EYS: variants seen among roughly 807,000 people sequenced by gnomAD.
The protein encoded by EYS is protein eyes shut homolog.
EYS carries 250 observed loss-of-function variants against 282.1 expected under a neutral mutation model. That is an observed-to-expected ratio of 0.89 (90% CI 0.80 to 0.98). EYS has a LOEUF of 0.98. EYS is among the 50% of genes least tolerant of loss of function. The pLI is 0.00. For synonymous variants in EYS, 1,355 were observed against 1,282.9 expected, an observed-to-expected ratio of 1.06 and a Z score of -1.20; for missense variants, 4,016 against 3,709.0, an observed-to-expected ratio of 1.08 and a Z score of -2.15.
chr6:65,289,513 C>T (rs548214030), intron 12 of EYS, among the ~76,000 whole-genome samples: 45 of 151,084 alleles, frequency 3.0e-4, no homozygotes, highest in African/African-American at 8.5e-4. Flanking sequence ...ATACTGCTTT[C>T]GGAAAAATGT....
chr6:64,741,440 G>A (rs1164370893), intron 22 of EYS, among the ~76,000 whole-genome samples: 1 of 152,100 alleles, frequency 6.6e-6, no homozygotes, highest in African/African-American at 2.4e-5. Context: ...TTTTGGAATG[G>A]TAAATTAGCA....
At chr6:63,915,318 GT>G (rs758239495) in intron 35 of EYS, among the ~76,000 whole-genome samples, 2 of 152,118 alleles carry the variant, frequency 1.3e-5, no homozygotes, top group Non-Finnish European at 2.9e-5. Flanking sequence ...TAGCACCTCT[GT>G]TTACAGCATG....
chr6:64,486,008 GAAGTAATAGCTATTTAAA>G (rs1776571508), intron 26 of EYS, among the ~76,000 whole-genome samples: 1 of 151,406 alleles, frequency 6.6e-6, no homozygotes, highest in Non-Finnish European at 1.5e-5. Context: ...TGGTTTTAAA[GAAGTAATAGCTATTTAAA>G]AAGTATTGTT....
intron 26 of EYS, among the ~76,000 whole-genome samples, chr6:64,567,562 G>A (rs1176787675): frequency 6.6e-6 from 1 of 152,130 alleles, no homozygotes; most frequent in Non-Finnish European, 1.5e-5. Context: ...TGGAAAGAAT[G>A]AAGGAATCAC....
At chr6:64,442,929 G>A (rs1774998865) in intron 26 of EYS, among the ~76,000 whole-genome samples, 2 of 140,348 alleles carry the variant, frequency 1.4e-5, no homozygotes, top group South Asian at 4.6e-4. Context: ...CCCTGACACA[G>A]AGTCCCTACT....
At chr6:64,795,162 G>A (rs898171944) in intron 22 of EYS, among the ~76,000 whole-genome samples, 1 of 151,908 alleles carries the variant, frequency 6.6e-6, no homozygotes, top group Non-Finnish European at 1.5e-5. Context: ...TAGAACCAGG[G>A]AGGTGGAGGT....
chr6:64,356,293 C>G (rs1211845441), intron 29 of EYS, among the ~76,000 whole-genome samples: 1 of 151,326 alleles, frequency 6.6e-6, no homozygotes, highest in Non-Finnish European at 1.5e-5. Context: ...AGAACATACA[C>G]TAGGAAAAAG....
rs112388321 is a variant in EYS at position 64,085,340 on chromosome 6, G to GCGCACA, written c.6425-3339_6425-3338insTGTGCG. 4.0e-3 allele frequency among the ~76,000 whole-genome samples: 563 copies of GCGCACA among 139,876 alleles called. 2 individuals are homozygous for GCGCACA. Among genetic ancestry groups the GCGCACA allele is most frequent in the African/African-American group, 0.015 (520 of 35,750 alleles). 91.8% of individuals were successfully genotyped at this position (139,876 alleles called of 152,430 possible). A position where few individuals can be genotyped will look rare whatever the true frequency, so the allele number is the denominator to read the frequency against. On this transcript the variant is annotated intron_variant, in intron 31 of 42. Coordinates refer to ENST00000503581, the MANE Select transcript of EYS (RefSeq NM_001142800.2). ...CGCGCGCGCGTGCGCACGTGCGCGC[G>GCGCACA]CACACACACACACACACACACACAC...
chr6:63,866,844 A>AT (rs764161068), intron 35 of EYS, among the ~76,000 whole-genome samples: 32 of 152,196 alleles, frequency 2.1e-4, no homozygotes, highest in Non-Finnish European at 3.5e-4. Flanking sequence ...CTCAATTGAG[A>AT]TGTTGCCAGA....
At chr6:65,475,582 A>G (rs928311876) in intron 5 of EYS, among the ~76,000 whole-genome samples, 1 of 152,194 alleles carries the variant, frequency 6.6e-6, no homozygotes, top group Admixed American at 6.5e-5. Context: ...TCTGAAAAGT[A>G]TAAGAAGGCA....
chr6:64,280,757 A>G (rs965996386), intron 30 of EYS, among the ~76,000 whole-genome samples: 6 of 152,148 alleles, frequency 3.9e-5, no homozygotes, highest in African/African-American at 1.4e-4. Flanking sequence ...TGGTAAAGTC[A>G]TCTAGCTCCA....
At chr6:64,527,253 G>T (rs949590429) in intron 26 of EYS, among the ~76,000 whole-genome samples, 1 of 151,698 alleles carries the variant, frequency 6.6e-6, no homozygotes, top group Non-Finnish European at 1.5e-5. Context: ...TATGGCCAAA[G>T]TTCTATTGCC....
At chr6:65,521,167 T>C (rs1413330254) in intron 2 of EYS, among the ~76,000 whole-genome samples, 6 of 152,172 alleles carry the variant, frequency 3.9e-5, no homozygotes, top group Non-Finnish European at 7.4e-5. Context: ...TGAGTAAAAC[T>C]TTCATTTTAG....
chr6:65,249,020 G>T (rs997016780), intron 12 of EYS, among the ~76,000 whole-genome samples: 1 of 147,676 alleles, frequency 6.8e-6, no homozygotes, highest in African/African-American at 2.5e-5. Context: ...GTTGATTTAA[G>T]AATATTTTCT....
chr6:65,366,804 T>C (rs2150338214), intron 8 of EYS, among the ~76,000 whole-genome samples: 1 of 151,748 alleles, frequency 6.6e-6, no homozygotes, highest in East Asian at 1.9e-4. Context: ...GGGGGAAATC[T>C]GTTTCTTTAT....
intron 28 of EYS, among the ~76,000 whole-genome samples, chr6:64,432,729 G>A (rs913122492): frequency 6.6e-6 from 1 of 151,876 alleles, no homozygotes; most frequent in Non-Finnish European, 1.5e-5. Flanking sequence ...CTTCTCAGCA[G>A]CACCTTCTAC....
intron 35 of EYS, among the ~76,000 whole-genome samples, chr6:63,903,652 A>G (rs1220221358): frequency 6.6e-6 from 1 of 152,098 alleles, no homozygotes; most frequent in Non-Finnish European, 1.5e-5. Context: ...ATAACTTACC[A>G]ATTTATGGTT....
At chr6:64,683,082 C>G (rs1286314582) in intron 22 of EYS, among the ~76,000 whole-genome samples, 1 of 152,216 alleles carries the variant, frequency 6.6e-6, no homozygotes, top group Non-Finnish European at 1.5e-5. Context: ...GAGACTTTAG[C>G]TGCTGTACAC....
chr6:63,722,056 A>G (rs1301153555), intron 42 of EYS, among the ~76,000 whole-genome samples: 2 of 152,090 alleles, frequency 1.3e-5, no homozygotes, highest in African/African-American at 4.8e-5. Flanking sequence ...TTGTGGTAGT[A>G]AGTTAAAGTG....
Sources: gnomAD v4.1 joint callset for allele counts (sites outside exome capture counted in the v4.1 genomes callset) on GRCh38, gnomAD v4.1.1 for gene constraint, MANE v1.5 for transcripts, NCBI Gene and HGNC (gene_info 2026-07-23, HGNC 2026-07-21) for gene names.